The following CALCOCO1 variants were observed in gnomAD, a reference collection of about 807,000 sequenced individuals.
The protein encoded by CALCOCO1 is calcium-binding and coiled-coil domain-containing protein 1.
In CALCOCO1, 44 loss-of-function variants were observed where a neutral mutation model predicts 86.3. The ratio of observed to expected loss-of-function variants is 0.51; its 90% CI spans 0.40 to 0.66. CALCOCO1 has a LOEUF of 0.66. Ranked by LOEUF, CALCOCO1 falls within the 30% of genes least tolerant of loss-of-function variation. The probability of loss-of-function intolerance (pLI) is 0.00; values close to 1 mark genes in which losing one functional copy is unlikely to be tolerated. For synonymous variants in CALCOCO1, 297 were observed against 327.6 expected, an observed-to-expected ratio of 0.91 and a Z score of 1.01; for missense variants, 708 against 851.1, an observed-to-expected ratio of 0.83 and a Z score of 2.09.
At chr12:53,714,542 C>G in intron 11 of CALCOCO1, 56 bp downstream of exon 11, 2 of 1,321,842 alleles carry the variant, frequency 1.5e-6, no homozygotes, top group Non-Finnish European at 2.2e-6. Context: ...TACAAAGTTT[C>G]TAGCCCTCAA....
At chr12:53,721,878 C>T (rs1945879365) in intron 5 of CALCOCO1, 147 bp downstream of exon 5, 9 of 924,760 alleles carry the variant, frequency 9.7e-6, no homozygotes, top group Non-Finnish European at 1.2e-5. Context: ...AGTTTAATCC[C>T]AGCCACTACC....
chr12:53,716,343 C>G lies in CALCOCO1; in HGVS notation c.922G>C (p.Glu308Gln), dbSNP rs140181365. The G allele has an allele frequency of 5.0e-4, 800 of 1,614,246 alleles. 6 individuals carry two copies. In the Middle Eastern group the frequency reaches 0.011, roughly 22 times the overall value. Reference sequence around the variant, plus strand: ...CGCTGAGCCTGAGCACTCTGCTCCTCTTGCCAGCTCTTCGCCTCCTTCAGG... The same window carrying G: ...CGCTGAGCCTGAGCACTCTGCTCCTGTTGCCAGCTCTTCGCCTCCTTCAGG... ...LDLKEAKSWQ[E>Q]EQSAQAQRLK... The change falls in exon 8 of 15, where the codon GAG becomes CAG. Residue 308 changes from glutamate (E) to glutamine (Q), a missense_variant. Transcript: ENST00000550804.
chr12:53,714,345 T>C, intron 11 of CALCOCO1, 104 bp from the exon 12 acceptor site: 2 of 859,292 alleles, frequency 2.3e-6, no homozygotes, highest in South Asian at 1.6e-5. Context: ...TCCTCAGCAT[T>C]AGATGCCTTC....
At chr12:53,720,248 T>C (rs956574950) in intron 6 of CALCOCO1, among the ~76,000 whole-genome samples, 6 of 152,202 alleles carry the variant, frequency 3.9e-5, no homozygotes, top group Non-Finnish European at 7.3e-5. Context: ...ATGTGGTCTC[T>C]GTGGCAACTA....
At chr12:53,717,772 G>A (rs1008818500) in intron 7 of CALCOCO1, among the ~76,000 whole-genome samples, 1 of 152,168 alleles carries the variant, frequency 6.6e-6, no homozygotes, top group Non-Finnish European at 1.5e-5. Flanking sequence ...CTGCAATCTC[G>A]GCATGATTTG....
In CALCOCO1 at chr12:53,715,431, A is replaced by G. The variant is rs1945698389; in HGVS notation, c.1261-106T>C. ...CTGTGTCCTTTCCTTTATTTAAAGCATCATTTTTAGAGCACTTTCCCCTTT... is the reference window on the plus strand; with the variant it reads ...CTGTGTCCTTTCCTTTATTTAAAGCGTCATTTTTAGAGCACTTTCCCCTTT... On this transcript the variant is annotated intron_variant, in intron 9 of 14. Coordinates refer to ENST00000550804, the MANE Select transcript of CALCOCO1 (RefSeq NM_020898.3). 5 of 1,448,612 alleles carry G rather than the reference A, an allele frequency of 3.5e-6. No homozygotes were observed. In the African/African-American group the frequency reaches 4.2e-5, roughly 12 times the overall value. 89.7% of individuals were successfully genotyped at this position (1,448,612 alleles called of 1,614,324 possible).
chr12:53,722,957 A>AAAAAG (rs750088091), intron 4 of CALCOCO1: 7 of 389,682 alleles, frequency 1.8e-5, no homozygotes, highest in Non-Finnish European at 2.5e-5. Flanking sequence ...AAAAAAAAAA[A>AAAAAG]AAAAGAAAAG....
intron 10 of CALCOCO1, 123 bp downstream of exon 10, chr12:53,715,077 G>A (rs1023305730): frequency 8.1e-7 from 1 of 1,238,830 alleles, no homozygotes; most frequent in East Asian, 2.4e-5. Context: ...GTGTGCAAGT[G>A]AAATGCCACC....
intron 4 of CALCOCO1, chr12:53,722,808 GATC>G (rs1230172818): frequency 2.6e-6 from 1 of 381,952 alleles, no homozygotes; most frequent in Non-Finnish European, 5.1e-6. Context: ...TCTGTAACAT[GATC>G]CCTTAGTCTG....
intron 6 of CALCOCO1, 38 bp downstream of exon 6, chr12:53,721,429 A>C (rs757110725): frequency 6.4e-7 from 1 of 1,550,958 alleles, no homozygotes; most frequent in East Asian, 2.3e-5. Flanking sequence ...GGGTCATGGA[A>C]GGGAGAGGAA....
chr12:53,711,912 G>A lies in CALCOCO1; in HGVS notation c.*32C>T, dbSNP rs201037935. On this transcript the variant is annotated 3_prime_UTR_variant, in exon 15 of 15. Transcript: ENST00000550804. Reference sequence around the variant, plus strand: ...TGTGTGTGAGTGTGTGTGTGCATGAGTGTGTATTTGTGCATGTACGAGGGA... The same window carrying A: ...TGTGTGTGAGTGTGTGTGTGCATGAATGTGTATTTGTGCATGTACGAGGGA... 6 of 1,519,266 alleles carry A rather than the reference G, an allele frequency of 3.9e-6. No homozygotes were observed. The highest frequency in any genetic ancestry group is 1.4e-5 in the African/African-American group (1 of 71,862). The allele number at this position is 1,519,266 out of a possible 1,614,324, so 94.1% of individuals were successfully genotyped here.
intron 11 of CALCOCO1, 73 bp from the exon 12 acceptor site, chr12:53,714,314 C>T: frequency 8.5e-7 from 1 of 1,171,024 alleles, no homozygotes; most frequent in Non-Finnish European, 1.3e-6. Context: ...GCAGAAGCTG[C>T]ACCCAAGAAG....
At chr12:53,724,811 G>A in intron 2 of CALCOCO1, 64 bp from the exon 3 acceptor site, 1 of 1,339,004 alleles carries the variant, frequency 7.5e-7, no homozygotes, top group Non-Finnish European at 1.0e-6. Flanking sequence ...ATGGAAGAAA[G>A]GGCTGAGGGG....
chr12:53,721,555 C>T lies in CALCOCO1; in HGVS notation c.670G>A (p.Gly224Arg), dbSNP rs1014079623. ...EERDILSRQQ[G>R]DHVARILELE... ...TCCAGGATGCGTGCCACATGGTCTC[C>T]CTGTTGCCGGCTCAGGATGTCCCTC... The change falls in exon 6 of 15, where the codon GGA (glycine) becomes AGA (arginine). Residue 224 changes from glycine (G) to arginine (R), a missense_variant. Coordinates refer to ENST00000550804, the MANE Select transcript of CALCOCO1 (RefSeq NM_020898.3). 6.2e-7 allele frequency: 1 copy of T among 1,613,716 alleles called. No homozygotes were observed.
chr12:53,717,843 G>C (rs1386889417), intron 7 of CALCOCO1, among the ~76,000 whole-genome samples: 1 of 152,186 alleles, frequency 6.6e-6, no homozygotes, highest in Non-Finnish European at 1.5e-5. Flanking sequence ...GGCCAACATG[G>C]TGAAACCCCA....
At chr12:53,724,102 C>A in intron 3 of CALCOCO1, 1 of 406,028 alleles carries the variant, frequency 2.5e-6, no homozygotes, top group Non-Finnish European at 4.8e-6. Context: ...GCGATCTTGG[C>A]TTGTTGCAAC....
chr12:53,724,865 A>T, intron 2 of CALCOCO1, 118 bp from the exon 3 acceptor site: 1 of 873,378 alleles, frequency 1.1e-6, no homozygotes, highest in South Asian at 1.7e-5. Context: ...CAACAATGAC[A>T]AGAGAAAGGG....
In CALCOCO1 at chr12:53,712,132, CAG is replaced by C; in HGVS notation, c.1899-13_1899-12del. On this transcript the variant is annotated splice_polypyrimidine_tract_variant and intron_variant, in intron 14 of 14. Transcript: ENST00000550804. Reference sequence around the variant, plus strand: ...CCCACTGTAAAGCCACTAAGAGAGACAGAGGGGAAAGGGAGAGGGTCGGCGTG... The same window carrying C: ...CCCACTGTAAAGCCACTAAGAGAGACAGGGGAAAGGGAGAGGGTCGGCGTG... The C allele has an allele frequency of 6.3e-7, 1 of 1,588,338 alleles. No homozygotes were observed. Among genetic ancestry groups the C allele is most frequent in the Middle Eastern group, 1.7e-4 (1 of 5,760 alleles).
chr12:53,725,054 A>G (rs1223206848), intron 2 of CALCOCO1, 33 bp downstream of exon 2: 2 of 1,551,770 alleles, frequency 1.3e-6, no homozygotes, highest in African/African-American at 2.7e-5. Flanking sequence ...CTCACAGCCC[A>G]TAAACCTAAG....
Sources: allele counts gnomAD v4.1 joint callset (sites outside exome capture counted in the v4.1 genomes callset), GRCh38; gene constraint gnomAD v4.1.1; transcripts MANE v1.5; gene names NCBI Gene and HGNC (gene_info 2026-07-23, HGNC 2026-07-21).